Variants in MRLN observed in about 807,000 individuals in gnomAD.
The protein encoded by MRLN is Linc-RNA activator of myogenesis.
At chr10:59,744,068 C>T in intron 1 of MRLN, 1 of 174,534 alleles carries the variant, frequency 5.7e-6, no homozygotes, top group Non-Finnish European at 1.2e-5. Flanking sequence ...AGATTGCAGC[C>T]TCTGCCCGGC....
chr10:59,745,951 ATAT>A (rs1841039999), intron 1 of MRLN, among the ~76,000 whole-genome samples: 1 of 152,218 alleles, frequency 6.6e-6, no homozygotes, highest in Non-Finnish European at 1.5e-5. Context: ...TCCCTCTATT[ATAT>A]AAAAGTATTA....
chr10:59,742,965 A>C (rs1300920103), intron 1 of MRLN, among the ~76,000 whole-genome samples: 5 of 152,066 alleles, frequency 3.3e-5, no homozygotes, highest in Admixed American at 3.3e-4. Context: ...CCTGGCCTCC[A>C]GTGATCCTCC....
At chr10:59,752,589 T>C (rs551559884) in intron 1 of MRLN, among the ~76,000 whole-genome samples, 35 of 152,342 alleles carry the variant, frequency 2.3e-4, no homozygotes, top group African/African-American at 7.2e-4. Context: ...CTGGTGCACA[T>C]GTTCAAGAAT....
At chr10:59,743,352 C>G (rs548226070) in intron 1 of MRLN, among the ~76,000 whole-genome samples, 1 of 152,156 alleles carries the variant, frequency 6.6e-6, no homozygotes, top group African/African-American at 2.4e-5. Flanking sequence ...GTAATTTATA[C>G]TGATTTTATT....
At chr10:59,744,609 G>A (rs1012788195) in intron 1 of MRLN, among the ~76,000 whole-genome samples, 1 of 152,314 alleles carries the variant, frequency 6.6e-6, no homozygotes, top group East Asian at 1.9e-4. Context: ...TCTGGGAGGT[G>A]TACCCAACAG....
chr10:59,750,457 G>A (rs139039077), intron 1 of MRLN, among the ~76,000 whole-genome samples: 1 of 152,264 alleles, frequency 6.6e-6, no homozygotes, highest in Non-Finnish European at 1.5e-5. Context: ...TGAAGTAAAT[G>A]TTCTGGCCCT....
chr10:59,743,738 C>T (rs1841008905), intron 1 of MRLN, among the ~76,000 whole-genome samples: 1 of 152,170 alleles, frequency 6.6e-6, no homozygotes, highest in African/African-American at 2.4e-5. Context: ...TGTACTGCTG[C>T]CATCTCGACT....
intron 1 of MRLN, among the ~76,000 whole-genome samples, chr10:59,743,677 T>C (rs1589017097): frequency 6.6e-6 from 1 of 151,872 alleles, no homozygotes; most frequent in Admixed American, 6.6e-5. Flanking sequence ...CCCCTCCGCC[T>C]CCCCCTCCCT....
intron 1 of MRLN, among the ~76,000 whole-genome samples, chr10:59,741,220 C>T (rs1840980303): frequency 6.6e-6 from 1 of 152,126 alleles, no homozygotes; most frequent in Non-Finnish European, 1.5e-5. Context: ...TGTCCTAGGC[C>T]TTCAAATTCA....
chr10:59,744,395 C>T lies in MRLN; in HGVS notation c.-124-5833G>A, dbSNP rs541091299. Among the ~76,000 whole-genome samples the T allele has an allele frequency of 1.6e-4, 25 of 151,858 alleles. No individual in the cohort carries two copies. The South Asian group carries it at 4.4e-3, about 27-fold the overall frequency. On this transcript the variant is annotated intron_variant, in intron 1 of 2. Transcript: ENST00000414264. ...GAGGAGTGTCTCTGACCAGCTGCTC[C>T]GTCTGAGAAGTGAGGACCCCCTCCG...
At chr10:59,744,193 G>A in intron 1 of MRLN, 1 of 157,538 alleles carries the variant, frequency 6.3e-6, no homozygotes, top group Non-Finnish European at 1.4e-5. Context: ...CCTCTTCCCG[G>A]CCGTCATCCT....
intron 1 of MRLN, among the ~76,000 whole-genome samples, chr10:59,745,022 T>C (rs1271629541): frequency 6.6e-6 from 1 of 152,102 alleles, no homozygotes; most frequent in Non-Finnish European, 1.5e-5. Flanking sequence ...TTTGTTCACA[T>C]GTTTATCTGC....
intron 1 of MRLN, among the ~76,000 whole-genome samples, chr10:59,740,151 G>C (rs1256862368): frequency 6.6e-6 from 1 of 151,508 alleles, no homozygotes; most frequent in Non-Finnish European, 1.5e-5. Flanking sequence ...TGAAGTCATA[G>C]TTGTTATAAT....
At chr10:59,747,764 A>G in intron 1 of MRLN, among the ~76,000 whole-genome samples, 1 of 152,224 alleles carries the variant, frequency 6.6e-6, no homozygotes. Context: ...GGACGGCCTT[A>G]TTCATCCTGG....
chr10:59,749,754 G>A (rs552959527), intron 1 of MRLN, among the ~76,000 whole-genome samples: 1 of 152,052 alleles, frequency 6.6e-6, no homozygotes, highest in Non-Finnish European at 1.5e-5. Context: ...TCAATAAATA[G>A]TGCCTAGTTC....
chr10:59,740,503 C>T (rs911043855), intron 1 of MRLN, among the ~76,000 whole-genome samples: 2 of 151,784 alleles, frequency 1.3e-5, no homozygotes, highest in African/African-American at 2.4e-5. Context: ...CCGACGTGGA[C>T]GACAGTGATA....
intron 1 of MRLN, among the ~76,000 whole-genome samples, chr10:59,741,755 C>A (rs1017153405): frequency 2.0e-5 from 3 of 152,224 alleles, no homozygotes; most frequent in Non-Finnish European, 4.4e-5. Context: ...TCATAGCTCA[C>A]TGTAACCTTG....
At chr10:59,750,805 C>G (rs951795441) in intron 1 of MRLN, among the ~76,000 whole-genome samples, 1 of 152,218 alleles carries the variant, frequency 6.6e-6, no homozygotes, top group East Asian at 1.9e-4. Context: ...CCCAACGCAG[C>G]GGTGCCAGCA....
chr10:59,749,400 T>C (rs1429799633), intron 1 of MRLN, among the ~76,000 whole-genome samples: 2 of 151,974 alleles, frequency 1.3e-5, no homozygotes, highest in Non-Finnish European at 2.9e-5. Flanking sequence ...CTGGTAAAAA[T>C]GTAAGCCAAG....
Sources: gnomAD v4.1 joint callset for allele counts (sites outside exome capture counted in the v4.1 genomes callset) on GRCh38, gnomAD v4.1.1 for gene constraint, MANE v1.5 for transcripts, NCBI Gene and HGNC (gene_info 2026-07-23, HGNC 2026-07-21) for gene names.